The following PAPPA variants were observed in gnomAD, a reference collection of about 807,000 sequenced individuals.
PAPPA encodes the protein pappalysin 1.
In PAPPA, 60 loss-of-function variants were observed where a neutral mutation model predicts 164.0. The ratio of observed to expected loss-of-function variants is 0.37; its 90% CI spans 0.30 to 0.45. The LOEUF (loss-of-function observed/expected upper bound fraction) is 0.45. Among genes scored for constraint, PAPPA ranks in the 20% least tolerant of loss-of-function variants. The pLI, the probability that PAPPA is intolerant of heterozygous loss-of-function variation, is 1.00. For synonymous variants in PAPPA, 875 were observed against 814.1 expected (o/e 1.07, Z -1.27); for missense variants, 1,782 against 2,087.3 (o/e 0.85, Z 2.85).
chr9:116,368,081 G>A (rs777880212), intron 19 of PAPPA, among the ~76,000 whole-genome samples: 1 of 152,218 alleles, frequency 6.6e-6, no homozygotes, highest in East Asian at 1.9e-4. Flanking sequence ...GGAGCATAGA[G>A]CCAGGTTTCA....
chr9:116,230,156 A>T (rs1228959834), intron 6 of PAPPA, among the ~76,000 whole-genome samples: 1 of 152,266 alleles, frequency 6.6e-6, no homozygotes, highest in Middle Eastern at 3.4e-3. Flanking sequence ...TAAATTTAGT[A>T]CATGTGCACC....
chr9:116,261,927 T>C (rs1845007527), intron 7 of PAPPA, among the ~76,000 whole-genome samples: 1 of 148,728 alleles, frequency 6.7e-6, no homozygotes, highest in East Asian at 2.0e-4. Flanking sequence ...AAAAAATGCA[T>C]GAGGGCCAGG....
rs560660660 is a variant in PAPPA, at chr9:116,261,602, C to T, written c.2733-4255C>T. Among the ~76,000 whole-genome samples, 6 of 152,254 alleles carry T rather than the reference C, an allele frequency of 3.9e-5. No individual in the cohort carries two copies. The East Asian group carries it at 9.7e-4, about 25-fold the overall frequency. On this transcript the variant is annotated intron_variant, in intron 7 of 21. Coordinates refer to ENST00000328252, the MANE Select transcript of PAPPA (RefSeq NM_002581.5). Reference sequence around the variant, plus strand: ...ACATACCAATAAACTTTAATTTATGCATTTTAAATGCATATTTAAGCTTAA... The same window carrying T: ...ACATACCAATAAACTTTAATTTATGTATTTTAAATGCATATTTAAGCTTAA...
intron 7 of PAPPA, among the ~76,000 whole-genome samples, chr9:116,245,296 T>C (rs1309296953): frequency 3.3e-5 from 5 of 152,160 alleles, no homozygotes; most frequent in Admixed American, 6.5e-5. Flanking sequence ...TTGTACCCCA[T>C]AAATTTATAC....
chr9:116,278,524 A>G (rs1007941843), intron 9 of PAPPA, among the ~76,000 whole-genome samples: 19 of 152,212 alleles, frequency 1.2e-4, no homozygotes, highest in Non-Finnish European at 2.8e-4. Flanking sequence ...ATGAAACAAC[A>G]ATTTTCAGTT....
chr9:116,379,493 T>C lies in PAPPA; in HGVS notation c.4677+1846T>C, dbSNP rs557352082. On this transcript the variant is annotated intron_variant, in intron 20 of 21. Transcript: ENST00000328252. ...TACATTGGTGTTAGTCCAGTGAAAA[T>C]AGTAACTATGCTCTCCTTGAGTCAT... 2.0e-4 allele frequency among the ~76,000 whole-genome samples: 30 copies of C among 152,240 alleles called. No homozygotes were observed. In the South Asian group the frequency reaches 4.8e-3, roughly 24 times the overall value.
intron 20 of PAPPA, among the ~76,000 whole-genome samples, chr9:116,382,124 G>T (rs1457901618): frequency 6.6e-6 from 1 of 152,116 alleles, no homozygotes; most frequent in Non-Finnish European, 1.5e-5. Context: ...GCATACCCAA[G>T]CACACAAGAG....
At chr9:116,253,092 A>C (rs1844878780) in intron 7 of PAPPA, among the ~76,000 whole-genome samples, 1 of 152,144 alleles carries the variant, frequency 6.6e-6, no homozygotes, top group Non-Finnish European at 1.5e-5. Context: ...GTGATTGCAA[A>C]ATGTGTGCTC....
rs200599839 is a variant in PAPPA, at chr9:116,335,062, C to G, written c.3599C>G (p.Pro1200Arg). Residue 1200 changes from proline (P) to arginine (R), a missense_variant, in exon 13 of 22, where the codon CCT (proline) becomes CGT (arginine). Pro to Arg is a moderately radical substitution (Grantham distance 103). Around this residue, in one of 2 missense-constraint regions of PAPPA, gnomAD observed 1,324 missense variants for 1,656.9 expected, o/e 0.80. Transcript: ENST00000328252. ...TGCCAGAGAGGGGAGACCTACAGCC[C>G]TGCCGAGCAGAGGTAAGGGATCCGC... ...SSCQRGETYS[P>R]AEQSCVHFAC... is the part of the protein sequence containing the mutation. 6 of 1,613,008 alleles carry G rather than the reference C, an allele frequency of 3.7e-6. No individual in the cohort carries two copies. The Admixed American group carries it at 1.0e-4, about 27-fold the overall frequency.
chr9:116,392,933 G>A (rs1245415304), intron 21 of PAPPA, among the ~76,000 whole-genome samples: 1 of 152,206 alleles, frequency 6.6e-6, no homozygotes, highest in African/African-American at 2.4e-5. Context: ...GAGACAAGGA[G>A]GCTCTGGATA....
chr9:116,326,151 T>G (rs1036822950), intron 10 of PAPPA, among the ~76,000 whole-genome samples: 1 of 152,174 alleles, frequency 6.6e-6, no homozygotes, highest in African/African-American at 2.4e-5. Flanking sequence ...ATCAAGAGGC[T>G]TATGTCATCC....
Position 116,396,724 on chromosome 9 carries a change from C to T in PAPPA, c.*108C>T. The T allele has an allele frequency of 4.5e-6, 3 of 673,692 alleles. No homozygotes were observed. Among genetic ancestry groups the T allele is most frequent in the East Asian group, 2.5e-5 (1 of 39,224 alleles). The allele number at this position is 673,692 out of a possible 1,614,324, so 41.7% of individuals were successfully genotyped here. A position where few individuals can be genotyped will look rare whatever the true frequency, so the allele number is the denominator to read the frequency against. ...GGAATGGCCTCTCCACACCAGGGAT[C>T]CTTAGCACCCAACCGGTCTGCCTTT... is the stretch of plus-strand genomic sequence containing the variant. On this transcript the variant is annotated 3_prime_UTR_variant, in exon 22 of 22. Transcript: ENST00000328252.
At chr9:116,259,438 C>T (rs1380179975) in intron 7 of PAPPA, among the ~76,000 whole-genome samples, 1 of 151,876 alleles carries the variant, frequency 6.6e-6, no homozygotes, top group Non-Finnish European at 1.5e-5. Flanking sequence ...TGTAAATATA[C>T]TTATGTATTA....
At chr9:116,297,524 T>C (rs1845524554) in intron 9 of PAPPA, among the ~76,000 whole-genome samples, 1 of 152,258 alleles carries the variant, frequency 6.6e-6, no homozygotes, top group Non-Finnish European at 1.5e-5. Context: ...CCTGAGTGAT[T>C]CTAGTGACAT....
chr9:116,367,818 C>T (rs2118650228), intron 19 of PAPPA, 64 bp downstream of exon 19: 1 of 1,068,742 alleles, frequency 9.4e-7, no homozygotes, highest in Non-Finnish European at 1.4e-6. Context: ...TTGTTGAGCA[C>T]TTGCTATGTC....
chr9:116,178,176 G>A (rs1199971556), intron 1 of PAPPA, among the ~76,000 whole-genome samples: 2 of 152,116 alleles, frequency 1.3e-5, no homozygotes, highest in South Asian at 2.1e-4. Context: ...GCGCGATCTC[G>A]GCTTACTGCA....
chr9:116,168,121 G>A (rs1843736276), intron 1 of PAPPA, among the ~76,000 whole-genome samples: 1 of 152,170 alleles, frequency 6.6e-6, no homozygotes, highest in South Asian at 2.1e-4. Flanking sequence ...GCATCATACA[G>A]CTGTTTAATA....
At position 116,398,479 on chromosome 9, in the gene PAPPA, T is replaced by TAAAAAAAAAAAAAAAAA. The variant is rs373083822; in HGVS notation, c.*1864_*1880dup. ...GGTGTTGTTAATCTATCATAGCACT[T>TAAAAAAAAAAAAAAAAA]AAAAAAAAAAAAAAAAAGAGACCAA... On this transcript the variant is annotated 3_prime_UTR_variant, in exon 22 of 22. Coordinates refer to ENST00000328252, the MANE Select transcript of PAPPA (RefSeq NM_002581.5). The TAAAAAAAAAAAAAAAAA allele has an allele frequency of 1.5e-6, 1 of 669,222 alleles. No homozygotes were observed. Among genetic ancestry groups the TAAAAAAAAAAAAAAAAA allele is most frequent in the African/African-American group, 2.0e-5 (1 of 49,282 alleles). 41.5% of individuals were successfully genotyped at this position (669,222 alleles called of 1,614,324 possible).
At chr9:116,264,532 C>T (rs1015595644) in intron 7 of PAPPA, among the ~76,000 whole-genome samples, 2 of 152,192 alleles carry the variant, frequency 1.3e-5, no homozygotes, top group African/African-American at 4.8e-5. Flanking sequence ...TGTTGAGAGT[C>T]TGAAGACATT....
Sources: allele counts gnomAD v4.1 joint callset (sites outside exome capture counted in the v4.1 genomes callset), GRCh38; gene constraint gnomAD v4.1.1; regional missense constraint gnomAD v4.1.1; transcripts MANE v1.5; gene names NCBI Gene and HGNC (gene_info 2026-07-23, HGNC 2026-07-21).